CFAP221: variants seen among roughly 807,000 people sequenced by gnomAD.
CFAP221 encodes the protein cilia- and flagella-associated protein 221.
A neutral mutation model predicts 113.1 loss-of-function variants in CFAP221; 97 were observed. The ratio of observed to expected loss-of-function variants is 0.86; its 90% confidence interval spans 0.73 to 1.02. CFAP221 has a LOEUF of 1.02. CFAP221 is among the 50% of genes least tolerant of loss of function. The pLI, the probability that CFAP221 is intolerant of heterozygous loss-of-function variation, is 0.00. For missense variants in CFAP221, 1,025 were observed against 1,013.4 expected, an observed-to-expected ratio of 1.01 and a Z score of -0.16; for synonymous variants, 331 against 354.4, an observed-to-expected ratio of 0.93 and a Z score of 0.74.
At position 119,608,488 on chromosome 2, in the gene CFAP221, T is replaced by TA; in HGVS notation, c.1134-14_1134-13insA. On this transcript the variant is annotated splice_polypyrimidine_tract_variant and intron_variant, in intron 11 of 23. Coordinates refer to ENST00000413369, the MANE Select transcript of CFAP221 (RefSeq NM_001271049.2). ...TGATGGGTTCTGGACACAGTTTTTT[T>TA]TTTTTCTCCCCAGGCAGGTGCACCT... 6.3e-7 allele frequency: 1 copy of TA among 1,584,032 alleles called. No homozygotes were observed. The highest frequency in any genetic ancestry group is 8.6e-7 in the Non-Finnish European group (1 of 1,167,542).
At chr2:119,606,455 A>C (rs1684773480) in intron 11 of CFAP221, among the ~76,000 whole-genome samples, 1 of 152,002 alleles carries the variant, frequency 6.6e-6, no homozygotes, top group Non-Finnish European at 1.5e-5. Context: ...GTCTCTGGGG[A>C]ATGGCCCTTG....
intron 14 of CFAP221, among the ~76,000 whole-genome samples, chr2:119,617,507 G>A (rs1023642829): frequency 1.3e-5 from 2 of 152,210 alleles, no homozygotes; most frequent in African/African-American, 4.8e-5. Flanking sequence ...GACCACCTTG[G>A]TCCTTCTGCA....
Position 119,604,863 on chromosome 2 carries a change from T to G in CFAP221, c.913-13T>G, listed in dbSNP as rs1234775004. ...GCAGACTAACTGATTTCCCTATTGA[T>G]TTGGTCTCTTAGGAAATTGAGTACC... On this transcript the variant is annotated splice_polypyrimidine_tract_variant and intron_variant, in intron 9 of 23. Coordinates refer to ENST00000413369, the MANE Select transcript of CFAP221 (RefSeq NM_001271049.2). 1 of 1,613,610 alleles carries G rather than the reference T, an allele frequency of 6.2e-7. No homozygotes were observed. Among genetic ancestry groups the G allele is most frequent in the East Asian group, 2.2e-5 (1 of 44,886 alleles).
At chr2:119,658,715 T>G (rs1688529535), downstream of CFAP221, among the ~76,000 whole-genome samples, 1 of 151,960 alleles carries the variant, frequency 6.6e-6, no homozygotes, top group Non-Finnish European at 1.5e-5. Flanking sequence ...GCGTGGTGGC[T>G]CACGCCTGTA....
At position 119,560,044 on chromosome 2, in the gene CFAP221, GC is replaced by G; in HGVS notation, c.426+19del. 6 of 1,070,634 alleles carry G rather than the reference GC, an allele frequency of 5.6e-6. No individual in the cohort carries two copies. In the Admixed American group the frequency reaches 1.1e-4, roughly 19 times the overall value. The allele number at this position is 1,070,634 out of a possible 1,614,324, so 66.3% of individuals were successfully genotyped here. A position where few individuals can be genotyped will look rare whatever the true frequency, so the allele number is the denominator to read the frequency against. ...ACTGTAAGGTAGGTCTCTTAAAATTGCTTTTTTTTTTTTTTTTTTTTGATGG... is the reference window on the plus strand; with the variant it reads ...ACTGTAAGGTAGGTCTCTTAAAATTGTTTTTTTTTTTTTTTTTTTTGATGG... On this transcript the variant is annotated intron_variant, in intron 5 of 23. Coordinates refer to ENST00000413369, the MANE Select transcript of CFAP221 (RefSeq NM_001271049.2).
chr2:119,650,622 C>G (rs1688070920), intron 22 of CFAP221, among the ~76,000 whole-genome samples: 1 of 152,244 alleles, frequency 6.6e-6, no homozygotes, highest in Non-Finnish European at 1.5e-5. Context: ...CCAACACTCA[C>G]TGAGCATTAA....
intron 3 of CFAP221, among the ~76,000 whole-genome samples, chr2:119,551,403 G>T (rs576778351): frequency 6.6e-6 from 1 of 152,226 alleles, no homozygotes; most frequent in South Asian, 2.1e-4. Flanking sequence ...TATAGTTTTA[G>T]CTTTCATATT....
At chr2:119,630,316 T>C (rs929918105) in intron 17 of CFAP221, among the ~76,000 whole-genome samples, 2 of 152,236 alleles carry the variant, frequency 1.3e-5, no homozygotes, top group Non-Finnish European at 2.9e-5. Context: ...TTGGTGTGCT[T>C]CTACACTTAA....
chr2:119,557,517 A>C (rs1230459141), intron 3 of CFAP221: 2 of 152,204 alleles, frequency 1.3e-5, no homozygotes, highest in East Asian at 3.9e-4. Flanking sequence ...TGCACTCACC[A>C]GATTGTCATA....
chr2:119,618,668 G>A (rs1307585316), intron 14 of CFAP221, among the ~76,000 whole-genome samples: 1 of 152,124 alleles, frequency 6.6e-6, no homozygotes, highest in Non-Finnish European at 1.5e-5. Flanking sequence ...GGCCATTTGG[G>A]CAGACACCAA....
chr2:119,587,989 A>T (rs542894274), intron 7 of CFAP221, among the ~76,000 whole-genome samples: 64 of 152,342 alleles, frequency 4.2e-4, no homozygotes, highest in African/African-American at 1.5e-3. Flanking sequence ...TTTGTAAAAT[A>T]TAGGGTAACC....
intron 6 of CFAP221, among the ~76,000 whole-genome samples, chr2:119,562,440 G>A (rs148932043): frequency 1.3e-5 from 2 of 152,186 alleles, no homozygotes; most frequent in African/African-American, 4.8e-5. Context: ...ACCATCTTGC[G>A]CTTCATTCTC....
chr2:119,629,482 G>A (rs1686610961), intron 16 of CFAP221, among the ~76,000 whole-genome samples: 2 of 152,308 alleles, frequency 1.3e-5, no homozygotes, highest in South Asian at 4.1e-4. Flanking sequence ...TGGGAGGAGC[G>A]CTTGACTCTG....
chr2:119,598,550 T>G (rs1170311148), intron 7 of CFAP221, among the ~76,000 whole-genome samples: 3 of 152,224 alleles, frequency 2.0e-5, no homozygotes, highest in African/African-American at 7.2e-5. Context: ...GGTGGTGATC[T>G]GAAATTGACC....
Position 119,656,527 on chromosome 2 carries a change from T to A in CFAP221, c.*57T>A. ...CTTTCCGTGGGCCACTGTGGCCCCT[T>A]GCGTCCATTTACATGCCAGCCATCT... On this transcript the variant is annotated 3_prime_UTR_variant, in exon 24 of 24. Coordinates refer to ENST00000413369, the MANE Select transcript of CFAP221 (RefSeq NM_001271049.2). 2.5e-6 allele frequency: 3 copies of A among 1,212,550 alleles called. No homozygotes were observed. The highest frequency in any genetic ancestry group is 3.6e-6 in the Non-Finnish European group (3 of 828,014). The allele number at this position is 1,212,550 out of a possible 1,614,324, so 75.1% of individuals were successfully genotyped here. A position where few individuals can be genotyped will look rare whatever the true frequency, so the allele number is the denominator to read the frequency against.
chr2:119,642,983 G>A (rs1687585581), intron 21 of CFAP221, among the ~76,000 whole-genome samples: 1 of 151,666 alleles, frequency 6.6e-6, no homozygotes, highest in South Asian at 2.1e-4. Context: ...TAGGGATAGG[G>A]TCTTGCTATG....
intron 5 of CFAP221, among the ~76,000 whole-genome samples, chr2:119,560,674 C>T (rs192172108): frequency 6.6e-6 from 1 of 152,182 alleles, no homozygotes; most frequent in Admixed American, 6.5e-5. Context: ...GTTTCAAAAC[C>T]AAAACAGAAG....
At chr2:119,624,977 A>G (rs1172067316) in intron 14 of CFAP221, among the ~76,000 whole-genome samples, 1 of 152,056 alleles carries the variant, frequency 6.6e-6, no homozygotes, top group African/African-American at 2.4e-5. Context: ...TATGTAACAA[A>G]CCTGCATGTT....
chr2:119,587,934 A>G (rs1458134244), intron 7 of CFAP221, among the ~76,000 whole-genome samples: 2 of 152,230 alleles, frequency 1.3e-5, no homozygotes, highest in African/African-American at 4.8e-5. Context: ...CAATTATGAA[A>G]TGTACTTAGA....
Sources: allele counts gnomAD v4.1 joint callset (sites outside exome capture counted in the v4.1 genomes callset), GRCh38; gene constraint gnomAD v4.1.1; transcripts MANE v1.5; gene names NCBI Gene and HGNC (gene_info 2026-07-23, HGNC 2026-07-21).